RIGI: variants seen among roughly 807,000 people sequenced by gnomAD.
The protein encoded by RIGI is antiviral innate immune response receptor RIG-I.
At chr9:32,464,259 G>A in the RIGI span, among the ~76,000 whole-genome samples, 1 of 151,092 alleles carries the variant, frequency 6.6e-6, no homozygotes, top group Non-Finnish European at 1.5e-5. Context: ...ACAGGGACCA[G>A]GATGCTCAAA....
the RIGI span, among the ~76,000 whole-genome samples, chr9:32,478,986 T>C: frequency 2.0e-5 from 3 of 152,248 alleles, no homozygotes; most frequent in African/African-American, 4.8e-5. Flanking sequence ...AAAACTATTA[T>C]ACAGTTCAGC....
the RIGI span, among the ~76,000 whole-genome samples, chr9:32,458,851 A>G: frequency 6.6e-6 from 1 of 151,358 alleles, no homozygotes; most frequent in Admixed American, 6.6e-5. Flanking sequence ...TATCTGTTCC[A>G]GGAGCTAATC....
chr9:32,516,342 A>C, the RIGI span, among the ~76,000 whole-genome samples: 1 of 152,154 alleles, frequency 6.6e-6, no homozygotes, highest in Non-Finnish European at 1.5e-5. Flanking sequence ...CTTCCCTGGC[A>C]ATACTTGTTG....
the RIGI span, among the ~76,000 whole-genome samples, chr9:32,521,540 A>T: frequency 6.6e-6 from 1 of 152,190 alleles, no homozygotes; most frequent in Admixed American, 6.5e-5. Flanking sequence ...ATACTGACAG[A>T]CTTCCCAACA....
chr9:32,505,817 C>G, the RIGI span, among the ~76,000 whole-genome samples: 1 of 152,154 alleles, frequency 6.6e-6, no homozygotes, highest in Non-Finnish European at 1.5e-5. Context: ...TAACACGAAA[C>G]TAAAATGCGT....
chr9:32,470,347 C>T, the RIGI span, among the ~76,000 whole-genome samples: 2 of 152,186 alleles, frequency 1.3e-5, no homozygotes, highest in Non-Finnish European at 1.5e-5. Context: ...ACTTTAGGCT[C>T]TGTGGGTCAT....
At chr9:32,512,368 C>T in the RIGI span, among the ~76,000 whole-genome samples, 2 of 152,162 alleles carry the variant, frequency 1.3e-5, no homozygotes, top group African/African-American at 2.4e-5. Context: ...AGCTTATTCA[C>T]CATAATCAGG....
the RIGI span, among the ~76,000 whole-genome samples, chr9:32,519,324 T>C: frequency 1.3e-5 from 2 of 152,222 alleles, no homozygotes; most frequent in East Asian, 3.8e-4. Context: ...TTTTGTTTCC[T>C]ATGCATTTCC....
chr9:32,471,031 G>A, the RIGI span, among the ~76,000 whole-genome samples: 34 of 152,214 alleles, frequency 2.2e-4, no homozygotes, highest in Middle Eastern at 3.2e-3. Flanking sequence ...GGTCAAGGTG[G>A]CAGATTACTT....
the RIGI span, chr9:32,456,393 T>C: frequency 6.6e-6 from 1 of 152,162 alleles, no homozygotes; most frequent in Admixed American, 6.5e-5. Flanking sequence ...AAAAATGGCT[T>C]TATGTTCTCA....
chr9:32,457,475 T>TC, the RIGI span: 1 of 1,352,486 alleles, frequency 7.4e-7, no homozygotes, highest in South Asian at 1.6e-5. Flanking sequence ...CAGTACATAA[T>TC]TGTGATTTAA....
chr9:32,478,654 G>A, the RIGI span, among the ~76,000 whole-genome samples: 1 of 152,070 alleles, frequency 6.6e-6, no homozygotes, highest in African/African-American at 2.4e-5. Flanking sequence ...CTGCCTTCCA[G>A]GCTCAGGTGA....
At chr9:32,467,893 A>T in the RIGI span, 32 of 1,612,546 alleles carry the variant, frequency 2.0e-5, no homozygotes, top group Non-Finnish European at 2.7e-5. Context: ...ACTGGCTTTG[A>T]ATGCATCCAA....
the RIGI span, among the ~76,000 whole-genome samples, chr9:32,484,411 C>T: frequency 6.6e-6 from 1 of 152,150 alleles, no homozygotes; most frequent in Non-Finnish European, 1.5e-5. Context: ...TCACATTTAA[C>T]ATCCCTAAAA....
chr9:32,471,923 GA>G, the RIGI span, among the ~76,000 whole-genome samples: 2 of 152,062 alleles, frequency 1.3e-5, no homozygotes, highest in African/African-American at 4.8e-5. Context: ...GGGAAAGTGC[GA>G]GGGTGATAAC....
the RIGI span, chr9:32,485,689 C>T: frequency 2.7e-6 from 1 of 367,570 alleles, no homozygotes; most frequent in South Asian, 2.2e-5. Context: ...AACAGGCGCA[C>T]ACCACCATGC....
chr9:32,456,565 G>T, the RIGI span: 1 of 154,874 alleles, frequency 6.5e-6, no homozygotes, highest in Non-Finnish European at 1.4e-5. Context: ...GCAAAGAGGA[G>T]GACTCAATAA....
At chr9:32,507,474 G>T in the RIGI span, among the ~76,000 whole-genome samples, 4 of 151,730 alleles carry the variant, frequency 2.6e-5, no homozygotes, top group Non-Finnish European at 5.9e-5. Context: ...ATTTCTTGAC[G>T]TTTTCTAATA....
At chr9:32,526,130 G>C in the RIGI span, 9 of 1,613,830 alleles carry the variant, frequency 5.6e-6, no homozygotes, top group Non-Finnish European at 7.6e-6. Flanking sequence ...ATATAATCCT[G>C]GAAGGCTTGC....
Sources: allele counts gnomAD v4.1 joint callset (sites outside exome capture counted in the v4.1 genomes callset), GRCh38; gene constraint gnomAD v4.1.1; transcripts MANE v1.5; gene names NCBI Gene and HGNC (gene_info 2026-07-23, HGNC 2026-07-21).